Variants in CDH13 observed in about 807,000 individuals in gnomAD.
The protein encoded by CDH13 is cadherin-13.
A neutral mutation model predicts 63.8 loss-of-function variants in CDH13; 24 were observed. The ratio of observed to expected loss-of-function variants is 0.38; its 90% CI spans 0.27 to 0.53. The LOEUF (loss-of-function observed/expected upper bound fraction) is 0.53. Among genes scored for constraint, CDH13 ranks in the 20% least tolerant of loss-of-function variants. The pLI, the probability that CDH13 is intolerant of heterozygous loss-of-function variation, is 0.85. For synonymous variants in CDH13, 503 were observed against 355.3 expected, an observed-to-expected ratio of 1.42 and a Z score of -4.67; for missense variants, 1,049 against 903.1, an observed-to-expected ratio of 1.16 and a Z score of -2.07.
intron 5 of CDH13, among the ~76,000 whole-genome samples, chr16:83,339,704 T>C (rs1484968191): frequency 6.6e-5 from 10 of 152,116 alleles, no homozygotes; most frequent in Admixed American, 6.6e-4. Flanking sequence ...CTTTCACAGA[T>C]GTCCCCCACC....
At chr16:82,995,331 A>C (rs72792141) in intron 2 of CDH13, among the ~76,000 whole-genome samples, 24 of 152,248 alleles carry the variant, frequency 1.6e-4, no homozygotes, top group African/African-American at 5.8e-4. Context: ...TCTAGGTATG[A>C]CCATGGAACT....
intron 7 of CDH13, among the ~76,000 whole-genome samples, chr16:83,512,226 C>T (rs1213445351): frequency 1.3e-5 from 2 of 151,276 alleles, no homozygotes; most frequent in Non-Finnish European, 1.5e-5. Context: ...GAGTTTGAGG[C>T]AGGAGAATGG....
At chr16:83,171,595 C>T (rs563634834) in intron 4 of CDH13, 1 of 1,516,620 alleles carries the variant, frequency 6.6e-7, no homozygotes. Flanking sequence ...TTTGAAATAT[C>T]TGTGTCTCTA....
chr16:83,450,252 T>C (rs1430537422), intron 6 of CDH13, among the ~76,000 whole-genome samples: 1 of 152,242 alleles, frequency 6.6e-6, no homozygotes, highest in Non-Finnish European at 1.5e-5. Context: ...TGTTCTCTCT[T>C]AGCTGCTTAG....
chr16:82,812,649 A>G (rs183394547), intron 1 of CDH13, among the ~76,000 whole-genome samples: 7 of 152,340 alleles, frequency 4.6e-5, no homozygotes, highest in Non-Finnish European at 7.4e-5. Context: ...GGAGGAAACC[A>G]GATGGGAGGG....
At chr16:82,869,798 G>A (rs546097411) in intron 2 of CDH13, among the ~76,000 whole-genome samples, 1 of 152,190 alleles carries the variant, frequency 6.6e-6, no homozygotes, top group Non-Finnish European at 1.5e-5. Context: ...TGATAATAGA[G>A]CCCTATCTCT....
At chr16:83,294,662 C>T (rs975902107) in intron 5 of CDH13, among the ~76,000 whole-genome samples, 9 of 151,390 alleles carry the variant, frequency 5.9e-5, no homozygotes, top group African/African-American at 1.9e-4. Flanking sequence ...CATTTAGGAA[C>T]AAATTGAACA....
intron 1 of CDH13, among the ~76,000 whole-genome samples, chr16:82,793,002 C>T (rs1406640983): frequency 6.6e-6 from 1 of 152,220 alleles, no homozygotes; most frequent in African/African-American, 2.4e-5. Context: ...ACGTTCTGGC[C>T]AGGAAGCAGA....
At position 83,486,573 on chromosome 16, in the gene CDH13, A is replaced by G; in HGVS notation, c.878A>G (p.Lys293Arg). ...RYNIRQQTPD[K>R]PSPNMFYIDP... ...AATATCCGTCAGCAGACGCCTGACA[A>G]GCCATCTCCCAACATGTTCTACATC... Residue 293 changes from lysine to arginine, a missense_variant, in exon 7 of 14, where the codon AAG becomes AGG. By Grantham distance (26) the Lys-to-Arg change is conservative (BLOSUM62 2). Transcript: ENST00000567109. 2 of 1,613,982 alleles carry G rather than the reference A, an allele frequency of 1.2e-6. No homozygotes were observed. Among genetic ancestry groups the G allele is most frequent in the Non-Finnish European group, 1.7e-6 (2 of 1,179,856 alleles).
intron 1 of CDH13, among the ~76,000 whole-genome samples, chr16:82,839,838 G>T (rs2615130): frequency 6.6e-6 from 1 of 152,152 alleles, no homozygotes; most frequent in Non-Finnish European, 1.5e-5. Context: ...CTTCCAAATT[G>T]TAGTACAGGA....
intron 7 of CDH13, among the ~76,000 whole-genome samples, chr16:83,529,395 TGA>T (rs1237140479): frequency 6.6e-6 from 1 of 152,216 alleles, no homozygotes; most frequent in East Asian, 1.9e-4. Context: ...GGATGTTTGT[TGA>T]AGCATTGTTT....
intron 1 of CDH13, among the ~76,000 whole-genome samples, chr16:82,789,557 T>G (rs2036185557): frequency 6.6e-6 from 1 of 152,142 alleles, no homozygotes; most frequent in African/African-American, 2.4e-5. Flanking sequence ...AGAGAAATAT[T>G]TTCAAAGGCC....
chr16:82,823,858 A>G (rs1266593323), intron 1 of CDH13: 1 of 152,174 alleles, frequency 6.6e-6, no homozygotes, highest in East Asian at 1.9e-4. Context: ...ATATGAATTT[A>G]TTAGGTGTTT....
chr16:83,502,079 G>A lies in CDH13; in HGVS notation c.960+15424G>A, dbSNP rs117689922. Among the ~76,000 whole-genome samples the A allele has an allele frequency of 7.3e-3, 1,105 of 152,284 alleles. 5 individuals are homozygous for A. Among genetic ancestry groups the A allele is most frequent in the Non-Finnish European group, 0.013 (889 of 68,014 alleles). On this transcript the variant is annotated intron_variant, in intron 7 of 13. Transcript: ENST00000567109. ...GGCTGTAAAATGGAACTCATAGCAC[G>A]GCCTGTGTGGAAGACAGAATAATGG...
intron 2 of CDH13, among the ~76,000 whole-genome samples, chr16:82,862,650 A>C (rs2039989636): frequency 6.6e-6 from 1 of 152,228 alleles, no homozygotes; most frequent in South Asian, 2.1e-4. Flanking sequence ...GACAGAAATC[A>C]CAGCATCTGA....
intron 5 of CDH13, among the ~76,000 whole-genome samples, chr16:83,268,573 G>A (rs1191170270): frequency 1.3e-5 from 2 of 152,156 alleles, no homozygotes; most frequent in Non-Finnish European, 2.9e-5. Flanking sequence ...ACATGTTGTA[G>A]ACAAAGTCTA....
intron 10 of CDH13, among the ~76,000 whole-genome samples, chr16:83,723,302 T>G (rs1232153036): frequency 6.6e-6 from 1 of 152,196 alleles, no homozygotes; most frequent in Non-Finnish European, 1.5e-5. Flanking sequence ...ATTTCACATA[T>G]AGAGAAGTAA....
intron 6 of CDH13, among the ~76,000 whole-genome samples, chr16:83,462,557 C>T (rs2073208069): frequency 6.6e-6 from 1 of 152,164 alleles, no homozygotes; most frequent in Admixed American, 6.5e-5. Flanking sequence ...TTGAGACCAG[C>T]CTGGCCAACA....
At chr16:83,029,255 A>G (rs1424870265) in intron 2 of CDH13, among the ~76,000 whole-genome samples, 3 of 152,146 alleles carry the variant, frequency 2.0e-5, no homozygotes, top group Non-Finnish European at 4.4e-5. Context: ...TGGCTTTCAC[A>G]GTGTGCTAGG....
Sources: gnomAD v4.1 joint callset for allele counts (sites outside exome capture counted in the v4.1 genomes callset) on GRCh38, gnomAD v4.1.1 for gene constraint, MANE v1.5 for transcripts, NCBI Gene and HGNC (gene_info 2026-07-23, HGNC 2026-07-21) for gene names.